The following TAF1D variants were observed in gnomAD, a reference collection of about 807,000 sequenced individuals.
TAF1D encodes the protein TATA box-binding protein-associated factor RNA polymerase I subunit D.
Under a neutral mutation model 26.2 loss-of-function variants are expected in TAF1D, and 23 were observed. That is an observed-to-expected ratio of 0.88 (90% CI 0.63 to 1.25). The LOEUF is 1.25. TAF1D is among the 50% of genes most tolerant of loss of function. The pLI, the probability that TAF1D is intolerant of heterozygous loss-of-function variation, is 0.00. For missense variants in TAF1D, 299 were observed against 322.0 expected, an observed-to-expected ratio of 0.93 and a Z score of 0.55; for synonymous variants, 100 against 105.6, an observed-to-expected ratio of 0.95 and a Z score of 0.33.
downstream of TAF1D, chr11:93,733,714 G>T (rs1398384822): frequency 7.1e-6 from 3 of 421,934 alleles, no homozygotes; most frequent in Non-Finnish European, 9.2e-6. Context: ...ACAGTGAGAT[G>T]TGGCAGGATC....
rs1940681558 is a variant in TAF1D, at chr11:93,735,971, T to A, written c.*190A>T. The stretch of plus-strand genomic sequence containing the variant: ...TCTGGTGTTTTAATGGTTTTTTTTC[T>A]AATTATTACTACTTCACAAGTTTCT... On this transcript the variant is annotated 3_prime_UTR_variant, in exon 6 of 6. Coordinates refer to ENST00000448108, the MANE Select transcript of TAF1D (RefSeq NM_024116.4). The A allele has an allele frequency of 1.5e-6, 2 of 1,348,088 alleles. No individual in the cohort carries two copies. Among genetic ancestry groups the A allele is most frequent in the African/African-American group, 1.5e-5 (1 of 65,322 alleles). The allele number at this position is 1,348,088 out of a possible 1,614,324, so 83.5% of individuals were successfully genotyped here.
At chr11:93,740,145 CAAAAAAT>C (rs1205696619) in intron 1 of TAF1D, among the ~76,000 whole-genome samples, 1 of 151,614 alleles carries the variant, frequency 6.6e-6, no homozygotes, top group Non-Finnish European at 1.5e-5. Context: ...TCCGTCTCTA[CAAAAAAT>C]ACGGAAATTA....
intron 2 of TAF1D, 96 bp downstream of exon 2, chr11:93,739,141 T>C (rs2078257807): frequency 3.0e-6 from 3 of 986,836 alleles, no homozygotes; most frequent in Non-Finnish European, 4.5e-6. Flanking sequence ...TAGTTTTCCT[T>C]CTTTCCCAAT....
downstream of TAF1D, chr11:93,732,447 C>G (rs908328020): frequency 1.9e-6 from 1 of 518,988 alleles, no homozygotes; most frequent in South Asian, 1.4e-5. Context: ...TAGCACTGAC[C>G]TTTGAACACC....
intron 1 of TAF1D, 30 bp downstream of exon 1, chr11:93,741,292 C>T (rs759450025): frequency 2.2e-6 from 1 of 456,138 alleles, no homozygotes; most frequent in Non-Finnish European, 4.4e-6. Context: ...CCCGCCAGGC[C>T]CGGACGGCCT....
At chr11:93,732,434 C>T (rs1428325517), downstream of TAF1D, 2 of 518,968 alleles carry the variant, frequency 3.9e-6, no homozygotes, top group African/African-American at 3.8e-5. Flanking sequence ...TACTGAATTT[C>T]TATAGCACTG....
Position 93,738,397 on chromosome 11 carries a change from T to G in TAF1D, c.171A>C (p.Glu57Asp), listed in dbSNP as rs776173220. ...TTGATGAATCACTTGCGTGAACACT[T>G]TCAGGTGTACGAACAAATTTTCGAA... ...NPIRKFVRTP[E>D]SVHASDSSSD... Residue 57 changes from glutamate to aspartate, a missense_variant, in exon 3 of 6, where the codon GAA (glutamate) becomes GAC (aspartate). Coordinates refer to ENST00000448108, the MANE Select transcript of TAF1D (RefSeq NM_024116.4). The G allele has an allele frequency of 1.9e-6, 3 of 1,613,958 alleles. No homozygotes were observed. The highest frequency in any genetic ancestry group is 2.5e-6 in the Non-Finnish European group (3 of 1,179,964).
At position 93,737,029 on chromosome 11, in the gene TAF1D, C is replaced by A. The variant is rs775992420; in HGVS notation, c.635+35G>T. On this transcript the variant is annotated intron_variant, in intron 4 of 5. Coordinates refer to ENST00000448108, the MANE Select transcript of TAF1D (RefSeq NM_024116.4). ...ATTAACATAGAAATTTAATTTATAA[C>A]CTATTACCAAAGTATTTCATATGAT... 4 of 1,508,518 alleles carry A rather than the reference C, an allele frequency of 2.7e-6. No homozygotes were observed. The South Asian group carries it at 4.0e-5, about 15-fold the overall frequency. The allele number at this position is 1,508,518 out of a possible 1,614,324, so 93.4% of individuals were successfully genotyped here.
downstream of TAF1D, chr11:93,730,875 C>G (rs1938526848): frequency 2.3e-6 from 1 of 436,466 alleles, no homozygotes; most frequent in East Asian, 5.6e-5. Context: ...AGCAAATTTG[C>G]ATGATTCAAG....
downstream of TAF1D, chr11:93,735,189 CTATCTG>C: frequency 7.4e-7 from 1 of 1,351,922 alleles, no homozygotes; most frequent in Non-Finnish European, 9.8e-7. Flanking sequence ...TTTTTTGCAC[CTATCTG>C]TAAGTCTTTG....
intron 1 of TAF1D, among the ~76,000 whole-genome samples, chr11:93,740,076 A>C (rs2135531323): frequency 6.6e-6 from 1 of 151,600 alleles, no homozygotes; most frequent in African/African-American, 2.4e-5. Context: ...TGGGAGGTCG[A>C]GGCGGGCGGA....
At chr11:93,730,492 C>T (rs750940344) in exon 12 of TAF1D, 1 of 743,242 alleles carries the variant, frequency 1.3e-6, no homozygotes, top group South Asian at 1.4e-5. Flanking sequence ...TCTCACATGG[C>T]AACAATCCTG....
At chr11:93,739,138 C>T in intron 2 of TAF1D, 99 bp downstream of exon 2, 1 of 937,286 alleles carries the variant, frequency 1.1e-6, no homozygotes. Flanking sequence ...ATCTAGTTTT[C>T]CTTCTTTCCC....
At chr11:93,740,430 CA>C (rs1432848253) in intron 1 of TAF1D, among the ~76,000 whole-genome samples, 1 of 70,876 alleles carries the variant, frequency 1.4e-5, no homozygotes, top group East Asian at 3.5e-4. Flanking sequence ...GACCCTGTCT[CA>C]GGAAAAAAAA....
At chr11:93,733,206 T>G, downstream of TAF1D, 1 of 517,450 alleles carries the variant, frequency 1.9e-6, no homozygotes, top group Non-Finnish European at 3.9e-6. Context: ...TAAGATCCAG[T>G]TTATTATACA....
chr11:93,738,065 C>T (rs376801782), intron 3 of TAF1D, 44 bp downstream of exon 3: 2 of 1,507,450 alleles, frequency 1.3e-6, no homozygotes, highest in Non-Finnish European at 1.8e-6. Flanking sequence ...TCATTTTGGG[C>T]ATCTTGAGTT....
At chr11:93,736,822 G>C in intron 4 of TAF1D, 71 bp from the exon 5 acceptor site, 2 of 1,477,684 alleles carry the variant, frequency 1.4e-6, no homozygotes, top group Non-Finnish European at 1.8e-6. Context: ...ATTCCACTCT[G>C]AAATATAACT....
At chr11:93,734,711 A>G, downstream of TAF1D, 1 of 1,286,726 alleles carries the variant, frequency 7.8e-7, no homozygotes. Flanking sequence ...ATTGGAATGC[A>G]AAATTAATAC....
At chr11:93,737,987 GAA>G in intron 3 of TAF1D, 120 bp downstream of exon 3, 1 of 1,160,232 alleles carries the variant, frequency 8.6e-7, no homozygotes, top group Non-Finnish European at 1.2e-6. Context: ...AGTCAGTATA[GAA>G]GAGTATCAAA....
Sources: allele counts gnomAD v4.1 joint callset (sites outside exome capture counted in the v4.1 genomes callset), GRCh38; gene constraint gnomAD v4.1.1; transcripts MANE v1.5; gene names NCBI Gene and HGNC (gene_info 2026-07-23, HGNC 2026-07-21).